Variants in LARP4 observed in about 807,000 individuals in gnomAD.
LARP4 encodes la-related protein 4.
A neutral mutation model predicts 92.9 loss-of-function variants in LARP4; 29 were observed. That is an observed-to-expected ratio of 0.31 (90% confidence interval 0.23 to 0.43). The LOEUF is 0.43. Among genes scored for constraint, LARP4 ranks in the 20% least tolerant of loss-of-function variants. LARP4 has a pLI of 1.00. For synonymous variants in LARP4, 279 were observed against 284.1 expected (o/e 0.98, Z 0.18); for missense variants, 732 against 860.0 (o/e 0.85, Z 1.86).
At chr12:50,437,187 A>T (rs1338531197) in intron 5 of LARP4, among the ~76,000 whole-genome samples, 1 of 152,232 alleles carries the variant, frequency 6.6e-6, no homozygotes, top group African/African-American at 2.4e-5. Flanking sequence ...CCTCATAATC[A>T]GCATTTAAAA....
chr12:50,411,771 C>G (rs778235188), intron 1 of LARP4, among the ~76,000 whole-genome samples: 261 of 152,128 alleles, frequency 1.7e-3, no homozygotes, highest in Non-Finnish European at 3.2e-3. Flanking sequence ...GCCTCTGCCC[C>G]CCGAGTTCAA....
At position 50,462,565 on chromosome 12, in the gene LARP4, C is replaced by CAAT; in HGVS notation, c.1335-17_1335-16insAAT. 2.7e-6 allele frequency: 4 copies of CAAT among 1,500,188 alleles called. No homozygotes were observed. The highest frequency in any genetic ancestry group is 3.7e-6 in the Non-Finnish European group (4 of 1,091,500). 92.9% of individuals were successfully genotyped at this position (1,500,188 alleles called of 1,614,324 possible). ...TCCCTCCACCCCACCCCACCCCCACCTTTTTCTTATTAAAAGGAGAACTCT... is the reference window on the plus strand; with the variant it reads ...TCCCTCCACCCCACCCCACCCCCACCAATTTTTTCTTATTAAAAGGAGAACTCT... On this transcript the variant is annotated splice_polypyrimidine_tract_variant and intron_variant, in intron 11 of 15. Coordinates refer to ENST00000398473, the MANE Select transcript of LARP4 (RefSeq NM_052879.5).
chr12:50,451,214 A>G (rs953375282), intron 8 of LARP4, among the ~76,000 whole-genome samples: 1 of 152,170 alleles, frequency 6.6e-6, no homozygotes, highest in African/African-American at 2.4e-5. Context: ...ACATTTCCCC[A>G]GTCCCTGCCT....
At position 50,479,049 on chromosome 12, in the gene LARP4, G is replaced by A. The variant is rs996956155; in HGVS notation, c.*3185G>A. ...GTTTGCTTTGGAAAGGCTTAATGAT[G>A]GAATGTTAGCATCTTCACTAGGGTA... On this transcript the variant is annotated 3_prime_UTR_variant, in exon 16 of 16. Transcript: ENST00000398473. The A allele has an allele frequency of 1.3e-5, 2 of 152,488 alleles. No individual in the cohort carries two copies. Among genetic ancestry groups the A allele is most frequent in the African/African-American group, 4.8e-5 (2 of 41,406 alleles). The allele number at this position is 152,488 out of a possible 1,614,324, so 9.4% of individuals were successfully genotyped here.
intron 6 of LARP4, among the ~76,000 whole-genome samples, chr12:50,438,452 C>T (rs1246799011): frequency 6.8e-6 from 1 of 146,732 alleles, no homozygotes; most frequent in Admixed American, 6.9e-5. Context: ...GATCAAGCCA[C>T]TGCACTCTAG....
At chr12:50,434,309 A>C (rs1950103022) in intron 4 of LARP4, among the ~76,000 whole-genome samples, 2 of 152,142 alleles carry the variant, frequency 1.3e-5, no homozygotes, top group Non-Finnish European at 2.9e-5. Context: ...TAAGTTTATT[A>C]AACAAGATTT....
intron 13 of LARP4, among the ~76,000 whole-genome samples, chr12:50,469,601 CAAAAAAAAAA>C (rs757844912): frequency 1.2e-4 from 8 of 65,576 alleles, no homozygotes; most frequent in African/African-American, 5.1e-4. Flanking sequence ...GAGACTCTAT[CAAAAAAAAAA>C]AAAAAAAAAA....
intron 12 of LARP4, 57 bp downstream of exon 12, chr12:50,462,687 ATTGACTTTC>A (rs2138731979): frequency 8.6e-7 from 1 of 1,158,964 alleles, no homozygotes; most frequent in African/African-American, 1.5e-5. Flanking sequence ...TTACTATGGC[ATTGACTTTC>A]GGTCTTTCCT....
intron 1 of LARP4, among the ~76,000 whole-genome samples, chr12:50,424,392 C>T (rs1282972566): frequency 2.0e-5 from 3 of 150,234 alleles, no homozygotes; most frequent in African/African-American, 7.4e-5. Flanking sequence ...GAGTTTCGCT[C>T]TTGTCGCCCA....
chr12:50,437,424 G>C (rs1389496874), intron 5 of LARP4, among the ~76,000 whole-genome samples: 1 of 151,578 alleles, frequency 6.6e-6, no homozygotes, highest in Non-Finnish European at 1.5e-5. Context: ...TGAAGAATTT[G>C]GTTATTATAT....
chr12:50,473,399 A>C lies in LARP4; in HGVS notation c.1546-16A>C, dbSNP rs749718390. On this transcript the variant is annotated splice_polypyrimidine_tract_variant and intron_variant, in intron 13 of 15. Transcript: ENST00000398473. ...AAAGGTCTAAGTGTAATTTTGAAAA[A>C]TCTTTTTACTTTAAGGATAATGAAG... The C allele has an allele frequency of 1.2e-6, 2 of 1,607,640 alleles. No individual in the cohort carries two copies. Among genetic ancestry groups the C allele is most frequent in the South Asian group, 2.2e-5 (2 of 90,960 alleles).
chr12:50,418,207 G>T (rs758550630), intron 1 of LARP4, among the ~76,000 whole-genome samples: 3 of 151,978 alleles, frequency 2.0e-5, no homozygotes, highest in Non-Finnish European at 4.4e-5. Flanking sequence ...CACCATATTG[G>T]CCAGGCTGAT....
At chr12:50,435,690 A>AT in intron 5 of LARP4, 66 bp downstream of exon 5, 1 of 1,197,632 alleles carries the variant, frequency 8.3e-7, no homozygotes, top group Non-Finnish European at 1.2e-6. Flanking sequence ...TCGACTTCTG[A>AT]TCATATAGGG....
chr12:50,427,932 TA>T, intron 2 of LARP4, 23 bp downstream of exon 2: 1 of 1,501,622 alleles, frequency 6.7e-7, no homozygotes. Context: ...TATTTGGTCA[TA>T]AAAATCACAG....
chr12:50,414,144 A>C (rs1348889278), intron 1 of LARP4, among the ~76,000 whole-genome samples: 1 of 152,218 alleles, frequency 6.6e-6, no homozygotes. Flanking sequence ...AATAGTATTG[A>C]ATCTGGGCCG....
rs780977801 is a variant in LARP4 at position 50,437,758 on chromosome 12, G to A, written c.559G>A (p.Glu187Lys). 1.2e-6 allele frequency: 2 copies of A among 1,611,058 alleles called. No homozygotes were observed. The highest frequency in any genetic ancestry group is 1.7e-6 in the Non-Finnish European group (2 of 1,177,680). Residue 187 changes from glutamate to lysine, a missense_variant, in exon 6 of 16, where the codon GAG becomes AAG. Physicochemically the swap from Glu to Lys is moderately conservative, Grantham distance 56. Transcript: ENST00000398473. ...AGCTTCTCCCATGGTACAAGTTGAT[G>A]AGAAGGGTGAGAAAGTGAGACCAAG... Reference protein sequence around the residue: ...LRSSPMVQVDEKGEKVRPSHK... With the variant: ...LRSSPMVQVDKKGEKVRPSHK...
Position 50,400,927 on chromosome 12 carries a change from T to C in LARP4, c.-84T>C. ...GGTGGAGGGGCAAGGCGAGTGTGTG[T>C]CCTTATCCTAGCAATTGGGGCGCGG... is the stretch of plus-strand genomic sequence containing the variant. On this transcript the variant is annotated 5_prime_UTR_variant, in exon 1 of 16. Transcript: ENST00000398473. 6.3e-7 allele frequency: 1 copy of C among 1,585,582 alleles called. No individual in the cohort carries two copies. Among genetic ancestry groups the C allele is most frequent in the Non-Finnish European group, 8.7e-7 (1 of 1,153,970 alleles).
chr12:50,459,906 A>T (rs1220430911), intron 10 of LARP4, among the ~76,000 whole-genome samples: 2 of 151,516 alleles, frequency 1.3e-5, no homozygotes, highest in African/African-American at 4.8e-5. Context: ...TGGGAGGCCA[A>T]GGTGGGCGGT....
At chr12:50,442,128 TG>T (rs1460241679) in intron 8 of LARP4, among the ~76,000 whole-genome samples, 2 of 152,212 alleles carry the variant, frequency 1.3e-5, no homozygotes, top group African/African-American at 4.8e-5. Flanking sequence ...AAAAATACTT[TG>T]TGTACAGCAA....
Sources: allele counts gnomAD v4.1 joint callset (sites outside exome capture counted in the v4.1 genomes callset), GRCh38; gene constraint gnomAD v4.1.1; transcripts MANE v1.5; gene names NCBI Gene and HGNC (gene_info 2026-07-23, HGNC 2026-07-21).